Variants in KAT2B observed in about 807,000 individuals in gnomAD.
The protein encoded by KAT2B is histone acetyltransferase KAT2B.
A neutral mutation model predicts 105.9 loss-of-function variants in KAT2B; 36 were observed. The observed-to-expected ratio is 0.34, with a 90% confidence interval of 0.26 to 0.45. The LOEUF (loss-of-function observed/expected upper bound fraction) is 0.45. Ranked by LOEUF, KAT2B falls within the 20% of genes least tolerant of loss-of-function variation. The pLI is 1.00. For synonymous variants in KAT2B, 397 were observed against 377.9 expected (o/e 1.05, Z -0.59); for missense variants, 820 against 1,021.6 (o/e 0.80, Z 2.69).
At chr3:20,120,791 G>C (rs1699295032) in intron 8 of KAT2B, among the ~76,000 whole-genome samples, 1 of 152,106 alleles carries the variant, frequency 6.6e-6, no homozygotes, top group Non-Finnish European at 1.5e-5. Context: ...CTTGACGTCA[G>C]ACAAATCTTG....
intron 11 of KAT2B, among the ~76,000 whole-genome samples, chr3:20,128,092 A>G (rs1430785099): frequency 6.6e-6 from 1 of 152,198 alleles, no homozygotes; most frequent in Non-Finnish European, 1.5e-5. Flanking sequence ...ACCAACAAGT[A>G]GGGTTGTACC....
intron 13 of KAT2B, among the ~76,000 whole-genome samples, chr3:20,144,426 C>T (rs1223249317): frequency 1.3e-5 from 2 of 151,014 alleles, no homozygotes; most frequent in African/African-American, 4.9e-5. Context: ...GTAGCTGGGA[C>T]TACAGGCACC....
intron 13 of KAT2B, among the ~76,000 whole-genome samples, chr3:20,141,553 C>G (rs1699695122): frequency 6.6e-6 from 1 of 152,140 alleles, no homozygotes; most frequent in Admixed American, 6.6e-5. Flanking sequence ...GTTTAGTGCA[C>G]TTTTCTCTAA....
At chr3:20,072,187 G>GT in intron 1 of KAT2B, 146 bp from the exon 2 acceptor site, 1 of 805,776 alleles carries the variant, frequency 1.2e-6, no homozygotes, top group Admixed American at 2.3e-5. Flanking sequence ...TGGGTTTTCT[G>GT]TTTTTCTCTT....
At chr3:20,104,374 C>T (rs1698962052) in intron 5 of KAT2B, among the ~76,000 whole-genome samples, 1 of 152,134 alleles carries the variant, frequency 6.6e-6, no homozygotes, top group African/African-American at 2.4e-5. Context: ...CCCACGTCCC[C>T]ACCATCACGT....
intron 2 of KAT2B, among the ~76,000 whole-genome samples, chr3:20,086,960 TGAGTA>T (rs1698630033): frequency 1.3e-5 from 2 of 148,504 alleles, no homozygotes; most frequent in South Asian, 4.3e-4. Context: ...TTTTATATTT[TGAGTA>T]GAGATGGGGT....
At chr3:20,119,318 C>G (rs570158923) in intron 7 of KAT2B, among the ~76,000 whole-genome samples, 2 of 149,520 alleles carry the variant, frequency 1.3e-5, no homozygotes, top group Admixed American at 6.7e-5. Flanking sequence ...TAACTCCGTC[C>G]TTATTTCTTT....
chr3:20,148,368 C>T (rs754441060), intron 16 of KAT2B, 35 bp from the exon 17 acceptor site: 17 of 1,609,702 alleles, frequency 1.1e-5, no homozygotes, highest in Non-Finnish European at 1.4e-5. Flanking sequence ...CATGGAATTT[C>T]CATATTAGAT....
intron 2 of KAT2B, among the ~76,000 whole-genome samples, chr3:20,091,068 G>T (rs956627756): frequency 6.6e-6 from 1 of 152,086 alleles, no homozygotes; most frequent in Non-Finnish European, 1.5e-5. Context: ...AAGAGTTTGA[G>T]AATTAGTATT....
chr3:20,118,984 CTT>C (rs1389639186), intron 7 of KAT2B, among the ~76,000 whole-genome samples: 3 of 151,832 alleles, frequency 2.0e-5, no homozygotes, highest in Non-Finnish European at 2.9e-5. Flanking sequence ...GTTTTTGCCT[CTT>C]GTCTCAATAA....
intron 11 of KAT2B, among the ~76,000 whole-genome samples, chr3:20,128,881 C>T (rs1044917026): frequency 1.3e-5 from 2 of 151,790 alleles, no homozygotes; most frequent in Non-Finnish European, 2.9e-5. Context: ...GTGGCACATG[C>T]CCGTAGTCCC....
intron 2 of KAT2B, among the ~76,000 whole-genome samples, chr3:20,081,310 T>TA (rs1362082204): frequency 1.3e-5 from 2 of 152,160 alleles, no homozygotes; most frequent in African/African-American, 4.8e-5. Flanking sequence ...AGGCCAATGA[T>TA]ACACGGAGCC....
At chr3:20,143,509 C>A (rs1699729135) in intron 13 of KAT2B, among the ~76,000 whole-genome samples, 1 of 152,094 alleles carries the variant, frequency 6.6e-6, no homozygotes, top group African/African-American at 2.4e-5. Flanking sequence ...AATTACCATT[C>A]CACACAGAAA....
At chr3:20,049,854 C>A (rs1323667678) in intron 1 of KAT2B, among the ~76,000 whole-genome samples, 1 of 152,116 alleles carries the variant, frequency 6.6e-6, no homozygotes, top group African/African-American at 2.4e-5. Flanking sequence ...CCTACTCAGG[C>A]TATAGAAGGT....
intron 1 of KAT2B, among the ~76,000 whole-genome samples, chr3:20,047,039 C>T (rs1697823297): frequency 6.6e-6 from 1 of 151,502 alleles, no homozygotes; most frequent in South Asian, 2.1e-4. Context: ...ACCTTTGCAG[C>T]ACAGAAAGAA....
rs1043317512 is a variant in KAT2B, at chr3:20,119,780, C to G, written c.1276+57C>G. 11 of 1,589,588 alleles carry G rather than the reference C, an allele frequency of 6.9e-6. No homozygotes were observed. The East Asian group carries it at 2.5e-4, about 36-fold the overall frequency. On this transcript the variant is annotated intron_variant, in intron 8 of 17. Coordinates refer to ENST00000263754, the MANE Select transcript of KAT2B (RefSeq NM_003884.5). ...GTGACTTGCTCCAGGAGCTCCATTA[C>G]CTGAGGAGTGCAAAAGGTAGACTTG...
At chr3:20,146,956 G>A (rs1386019352) in intron 14 of KAT2B, among the ~76,000 whole-genome samples, 1 of 152,120 alleles carries the variant, frequency 6.6e-6, no homozygotes, top group Non-Finnish European at 1.5e-5. Context: ...TATGTGTGGT[G>A]GAAATCATAT....
At chr3:20,113,317 G>A (rs986380493) in intron 6 of KAT2B, among the ~76,000 whole-genome samples, 1 of 152,152 alleles carries the variant, frequency 6.6e-6, no homozygotes, top group African/African-American at 2.4e-5. Flanking sequence ...TTGTCATTCT[G>A]TCTCTGAGTC....
chr3:20,054,592 C>G (rs1018679280), intron 1 of KAT2B, among the ~76,000 whole-genome samples: 1 of 152,168 alleles, frequency 6.6e-6, no homozygotes, highest in Non-Finnish European at 1.5e-5. Context: ...AGTCCCCATG[C>G]GTTGTGTACT....
Sources: gnomAD v4.1 joint callset for allele counts (sites outside exome capture counted in the v4.1 genomes callset) on GRCh38, gnomAD v4.1.1 for gene constraint, MANE v1.5 for transcripts, NCBI Gene and HGNC (gene_info 2026-07-23, HGNC 2026-07-21) for gene names.